The following CNTN6 variants were observed in gnomAD, a reference collection of about 807,000 sequenced individuals.
The protein encoded by CNTN6 is contactin-6.
Under a neutral mutation model 122.8 loss-of-function variants are expected in CNTN6, and 137 were observed. The observed-to-expected ratio is 1.12, with a 90% CI of 0.97 to 1.29. The LOEUF is 1.29. Among genes scored for constraint, CNTN6 ranks in the 50% most tolerant of loss-of-function variants. The probability of loss-of-function intolerance (pLI) is 0.00; values close to 1 mark genes in which losing one functional copy is unlikely to be tolerated. For synonymous variants in CNTN6, 570 were observed against 426.0 expected (o/e 1.34, Z -4.16); for missense variants, 1,634 against 1,223.4 (o/e 1.34, Z -5.01).
intron 1 of CNTN6, among the ~76,000 whole-genome samples, chr3:1,135,351 G>T (rs1001084708): frequency 6.6e-6 from 1 of 152,144 alleles, no homozygotes; most frequent in African/African-American, 2.4e-5. Flanking sequence ...GCACATATCA[G>T]GGGATGGGTT....
chr3:1,172,065 A>G (rs759606816), intron 2 of CNTN6, among the ~76,000 whole-genome samples: 8 of 152,066 alleles, frequency 5.3e-5, no homozygotes, highest in Non-Finnish European at 1.0e-4. Flanking sequence ...CCATCAGACC[A>G]TCTCCTCATG....
chr3:1,312,614 C>CAAA (rs5846106), intron 7 of CNTN6, among the ~76,000 whole-genome samples: 1 of 137,908 alleles, frequency 7.3e-6, no homozygotes, highest in Non-Finnish European at 1.6e-5. Flanking sequence ...GCCTCTTATA[C>CAAA]AAAAAAAAAA....
At chr3:1,286,959 C>G (rs1436378857) in intron 5 of CNTN6, among the ~76,000 whole-genome samples, 1 of 152,036 alleles carries the variant, frequency 6.6e-6, no homozygotes, top group East Asian at 1.9e-4. Flanking sequence ...CAACAAAGAT[C>G]AAAAGAGACA....
At chr3:1,172,824 G>A (rs1474329156) in intron 2 of CNTN6, among the ~76,000 whole-genome samples, 1 of 152,212 alleles carries the variant, frequency 6.6e-6, no homozygotes, top group Non-Finnish European at 1.5e-5. Flanking sequence ...CCTGTCATGA[G>A]GCAAGCTGTC....
chr3:1,171,895 CCA>C (rs2093364140), intron 2 of CNTN6, among the ~76,000 whole-genome samples: 1 of 152,280 alleles, frequency 6.6e-6, no homozygotes, highest in East Asian at 1.9e-4. Flanking sequence ...GCGTGAGCTA[CCA>C]CACTCGGCCT....
intron 4 of CNTN6, among the ~76,000 whole-genome samples, chr3:1,258,818 T>G (rs982605979): frequency 6.6e-6 from 1 of 152,140 alleles, no homozygotes; most frequent in Non-Finnish European, 1.5e-5. Context: ...TCAGATGCAC[T>G]TTGTAGCTGT....
rs147742782 is a variant in CNTN6, at chr3:1,327,664, T to A, written c.1213+78T>A. On this transcript the variant is annotated intron_variant, in intron 10 of 22. Transcript: ENST00000446702. The stretch of plus-strand genomic sequence containing the variant: ...TAATTATGCATAATCCCAACCCAAT[T>A]TTTTTTGTAAATTAGAAATTGCTGT... 1,122 of 1,444,564 alleles carry A rather than the reference T, an allele frequency of 7.8e-4. 1 individual carries two copies. The highest frequency in any genetic ancestry group is 1.3e-3 in the Admixed American group (58 of 45,662). The allele number at this position is 1,444,564 out of a possible 1,614,324, so 89.5% of individuals were successfully genotyped here. A position where few individuals can be genotyped will look rare whatever the true frequency, so the allele number is the denominator to read the frequency against.
In CNTN6 at chr3:1,372,366, A is replaced by G. The variant is rs1473631941; in HGVS notation, c.1560A>G (p.Pro520=). The change falls in exon 13 of 23, where the codon CCA becomes CCG. Residue 520 remains proline, a synonymous_variant. Coordinates refer to ENST00000446702, the MANE Select transcript of CNTN6 (RefSeq NM_001289080.2). Reference sequence around the variant, plus strand: ...CAGTTGGCGAGAGTATAGTGCTACCATGCCAGGTGTCCCATGACCCCTCCA... The same window carrying G: ...CAGTTGGCGAGAGTATAGTGCTACCGTGCCAGGTGTCCCATGACCCCTCCA... ...DVTVGESIVL[P]CQVSHDPSIE... 1 of 1,613,610 alleles carries G rather than the reference A, an allele frequency of 6.2e-7. No homozygotes were observed. Among genetic ancestry groups the G allele is most frequent in the Non-Finnish European group, 8.5e-7 (1 of 1,179,674 alleles).
intron 1 of CNTN6, among the ~76,000 whole-genome samples, chr3:1,136,428 G>T (rs2092475040): frequency 6.6e-6 from 1 of 152,180 alleles, no homozygotes; most frequent in Non-Finnish European, 1.5e-5. Flanking sequence ...GATCATGGAA[G>T]TTTGGGAAAC....
intron 3 of CNTN6, among the ~76,000 whole-genome samples, chr3:1,221,366 A>T (rs2094205551): frequency 6.6e-6 from 1 of 152,236 alleles, no homozygotes; most frequent in African/African-American, 2.4e-5. Context: ...CAGTTGCTGC[A>T]TATGCAATGA....
intron 11 of CNTN6, among the ~76,000 whole-genome samples, chr3:1,349,539 C>T (rs1705295199): frequency 1.3e-5 from 2 of 151,774 alleles, no homozygotes; most frequent in African/African-American, 4.8e-5. Flanking sequence ...AAATCAGTCT[C>T]TCTCTATGAA....
At position 1,128,099 on chromosome 3, in the gene CNTN6, T is replaced by C. The variant is rs72995802; in HGVS notation, c.-82-19828T>C. Among the ~76,000 whole-genome samples, 878 of 152,094 alleles carry C rather than the reference T, an allele frequency of 5.8e-3. 9 individuals are homozygous for C. Among genetic ancestry groups the C allele is most frequent in the Middle Eastern group, 6.8e-3 (2 of 294 alleles). ...CTTGAAGCTCCCACCTTGAGCTGGT[T>C]TCACTCACTTATTGTTGAATTATAG... On this transcript the variant is annotated intron_variant, in intron 1 of 22. Transcript: ENST00000446702.
intron 1 of CNTN6, among the ~76,000 whole-genome samples, chr3:1,115,290 T>C (rs1348032870): frequency 6.6e-6 from 1 of 152,170 alleles, no homozygotes; most frequent in Non-Finnish European, 1.5e-5. Context: ...TAAATGAATG[T>C]ATTGCTAGGG....
intron 4 of CNTN6, among the ~76,000 whole-genome samples, chr3:1,269,440 T>C (rs894720545): frequency 5.3e-5 from 8 of 152,216 alleles, no homozygotes; most frequent in Non-Finnish European, 8.8e-5. Flanking sequence ...GGCATCTCAA[T>C]GTATCCTATG....
At chr3:1,289,469 T>C (rs938597701) in intron 5 of CNTN6, among the ~76,000 whole-genome samples, 2 of 152,166 alleles carry the variant, frequency 1.3e-5, no homozygotes, top group Admixed American at 6.5e-5. Context: ...ATGAAGTGGT[T>C]GGGCTGGCAA....
chr3:1,116,779 A>G (rs1341672706), intron 1 of CNTN6, among the ~76,000 whole-genome samples: 3 of 137,864 alleles, frequency 2.2e-5, no homozygotes, highest in Non-Finnish European at 3.0e-5. Flanking sequence ...ATCTCAGCTC[A>G]CTGCAACCTC....
chr3:1,312,732 C>G (rs1055110300), intron 7 of CNTN6, among the ~76,000 whole-genome samples: 5 of 151,502 alleles, frequency 3.3e-5, no homozygotes, highest in African/African-American at 4.9e-5. Flanking sequence ...CATTTTGTAC[C>G]TGGTTAATTC....
intron 5 of CNTN6, among the ~76,000 whole-genome samples, chr3:1,290,442 G>A (rs1695139687): frequency 6.6e-6 from 1 of 152,112 alleles, no homozygotes; most frequent in Admixed American, 6.5e-5. Context: ...AGGTGAGGAG[G>A]ACGAGCTAAG....
At chr3:1,358,604 G>A (rs1283401858) in intron 12 of CNTN6, among the ~76,000 whole-genome samples, 1 of 151,988 alleles carries the variant, frequency 6.6e-6, no homozygotes, top group Non-Finnish European at 1.5e-5. Flanking sequence ...TGGGGTTGAA[G>A]GGCGTGGAAG....
Sources: allele counts gnomAD v4.1 joint callset (sites outside exome capture counted in the v4.1 genomes callset), GRCh38; gene constraint gnomAD v4.1.1; transcripts MANE v1.5; gene names NCBI Gene and HGNC (gene_info 2026-07-23, HGNC 2026-07-21).